The following SNTG2 variants were observed in gnomAD, a reference collection of about 807,000 sequenced individuals.
SNTG2 encodes gamma-2-syntrophin.
In SNTG2, 74 loss-of-function variants were observed where a neutral mutation model predicts 70.9. The observed-to-expected ratio is 1.04, with a 90% CI of 0.86 to 1.27. SNTG2 has a LOEUF of 1.27. SNTG2 is among the 50% of genes most tolerant of loss of function. The pLI, the probability that SNTG2 is intolerant of heterozygous loss-of-function variation, is 0.00. For synonymous variants in SNTG2, 278 were observed against 273.8 expected, an observed-to-expected ratio of 1.02 and a Z score of -0.15; for missense variants, 717 against 690.7, an observed-to-expected ratio of 1.04 and a Z score of -0.43.
chr2:1,110,450 G>T (rs78680736), intron 4 of SNTG2, among the ~76,000 whole-genome samples: 18,615 of 152,198 alleles, frequency 0.12, 1,304 homozygotes, highest in Admixed American at 0.16. Context: ...TGAATTTGCT[G>T]TGAAGCCTTT....
chr2:1,207,843 G>T (rs1350922261), intron 8 of SNTG2, among the ~76,000 whole-genome samples: 1 of 152,210 alleles, frequency 6.6e-6, no homozygotes. Context: ...CTGCAGAGGA[G>T]ACTTGGGGTG....
In SNTG2 at chr2:1,197,151, C is replaced by A. The variant is rs559020181; in HGVS notation, c.592-11952C>A. Among the ~76,000 whole-genome samples, 3 of 152,074 alleles carry A rather than the reference C, an allele frequency of 2.0e-5. No individual in the cohort carries two copies. In the East Asian group the frequency reaches 5.8e-4, roughly 29 times the overall value. On this transcript the variant is annotated intron_variant, in intron 8 of 16. Coordinates refer to ENST00000308624, the MANE Select transcript of SNTG2 (RefSeq NM_018968.4). The stretch of plus-strand genomic sequence containing the variant: ...CTTAAATGTAAATGAATTAAATTTC[C>A]CACTTAAAAGATACAGACTGGATTA...
At chr2:977,030 G>A (rs937428611) in intron 1 of SNTG2, among the ~76,000 whole-genome samples, 1 of 152,278 alleles carries the variant, frequency 6.6e-6, no homozygotes. Flanking sequence ...AGACACCATC[G>A]TATATGCCTG....
Position 1,247,392 on chromosome 2 carries a change from C to G in SNTG2, c.954C>G (p.Pro318=), listed in dbSNP as rs1425595781. Residue 318 remains proline (P), a synonymous_variant, in exon 12 of 17, where the codon CCC becomes CCG. Coordinates refer to ENST00000308624, the MANE Select transcript of SNTG2 (RefSeq NM_018968.4). ...CTGACTCCTCTCAAACCTTCAGACC[C>G]AAGTTCCTAGCACTGAAGGGCCCGT... ...QGADSSQTFR[P]KFLALKGPSF... The G allele has an allele frequency of 5.0e-6, 8 of 1,613,844 alleles. No individual in the cohort carries two copies. The highest frequency in any genetic ancestry group is 6.8e-6 in the Non-Finnish European group (8 of 1,179,870).
chr2:977,656 G>T (rs1660952055), intron 1 of SNTG2, among the ~76,000 whole-genome samples: 2 of 152,118 alleles, frequency 1.3e-5, no homozygotes, highest in African/African-American at 4.8e-5. Flanking sequence ...CCCCTTGGTG[G>T]TTTAAACTCA....
chr2:975,921 A>G lies in SNTG2; in HGVS notation c.72+24853A>G, dbSNP rs180719481. Among the ~76,000 whole-genome samples the G allele has an allele frequency of 8.5e-4, 129 of 152,350 alleles. No homozygotes were observed. In the Middle Eastern group the frequency reaches 0.01, roughly 12 times the overall value. On this transcript the variant is annotated intron_variant, in intron 1 of 16. Coordinates refer to ENST00000308624, the MANE Select transcript of SNTG2 (RefSeq NM_018968.4). Reference sequence around the variant, plus strand: ...CTTCTGATACTGGACAAATAAGCCAAAACAAGAAAAGTACAATGGCTTCTT... The same window carrying G: ...CTTCTGATACTGGACAAATAAGCCAGAACAAGAAAAGTACAATGGCTTCTT...
intron 1 of SNTG2, among the ~76,000 whole-genome samples, chr2:1,072,349 C>CT (rs201149926): frequency 0.033 from 1,996 of 61,392 alleles, 70 homozygotes; most frequent in African/African-American, 0.085. Flanking sequence ...TTTTCTTTTT[C>CT]TTTTTTTTTT....
At chr2:984,586 G>A (rs560975495) in intron 1 of SNTG2, among the ~76,000 whole-genome samples, 2 of 152,256 alleles carry the variant, frequency 1.3e-5, no homozygotes, top group Admixed American at 1.3e-4. Flanking sequence ...TCCCCACTCT[G>A]TGGCCTCACC....
chr2:1,252,431 G>A (rs756287587), intron 12 of SNTG2, among the ~76,000 whole-genome samples: 7 of 152,190 alleles, frequency 4.6e-5, no homozygotes, highest in Non-Finnish European at 8.8e-5. Flanking sequence ...GTTGTAGGGA[G>A]ATTAAGGAAG....
At chr2:1,166,285 C>G (rs917064369) in intron 7 of SNTG2, among the ~76,000 whole-genome samples, 5 of 152,166 alleles carry the variant, frequency 3.3e-5, no homozygotes, top group African/African-American at 7.2e-5. Context: ...AAGGCCCAGG[C>G]TCCCCTGAAG....
At chr2:1,209,761 G>C (rs1382285535) in intron 9 of SNTG2, among the ~76,000 whole-genome samples, 1 of 152,216 alleles carries the variant, frequency 6.6e-6, no homozygotes, top group Non-Finnish European at 1.5e-5. Flanking sequence ...AAAAATGTAT[G>C]CTTGGCTAAT....
intron 10 of SNTG2, among the ~76,000 whole-genome samples, chr2:1,238,869 C>A (rs1425822756): frequency 6.6e-6 from 1 of 152,234 alleles, no homozygotes; most frequent in Non-Finnish European, 1.5e-5. Context: ...ATGCACCCGC[C>A]CTGCCCCTGC....
At chr2:1,261,949 G>A (rs1357752479) in intron 13 of SNTG2, among the ~76,000 whole-genome samples, 1 of 152,148 alleles carries the variant, frequency 6.6e-6, no homozygotes, top group Non-Finnish European at 1.5e-5. Context: ...AGAAGCAGTG[G>A]TGTTCCGGGA....
At chr2:1,347,224 A>G (rs548923930) in intron 16 of SNTG2, among the ~76,000 whole-genome samples, 2 of 152,322 alleles carry the variant, frequency 1.3e-5, no homozygotes, top group East Asian at 1.9e-4. Context: ...AGGCATCACC[A>G]TAACAGGTAG....
intron 9 of SNTG2, among the ~76,000 whole-genome samples, chr2:1,229,948 C>A (rs368033513): frequency 6.6e-5 from 10 of 152,188 alleles, no homozygotes; most frequent in African/African-American, 2.4e-4. Context: ...AAGCGCCGCA[C>A]GCAGCCCCCG....
intron 16 of SNTG2, among the ~76,000 whole-genome samples, chr2:1,355,946 T>A (rs4558630): frequency 0.72 from 109,815 of 152,146 alleles, 39,930 homozygotes; most frequent in East Asian, 0.94. Flanking sequence ...TGCTTGGTGA[T>A]GTGAATGCCT....
At position 1,226,880 on chromosome 2, in the gene SNTG2, A is replaced by T. The variant is rs186830197; in HGVS notation, c.720-11008A>T. Reference sequence around the variant, plus strand: ...ATTTTTAACAGTAACTTCACTCATTATGTAAAGTGAACTCTTAAAATGTGT... The same window carrying T: ...ATTTTTAACAGTAACTTCACTCATTTTGTAAAGTGAACTCTTAAAATGTGT... On this transcript the variant is annotated intron_variant, in intron 9 of 16. Coordinates refer to ENST00000308624, the MANE Select transcript of SNTG2 (RefSeq NM_018968.4). Among the ~76,000 whole-genome samples the T allele has an allele frequency of 4.5e-4, 68 of 152,344 alleles. 1 individual carries two copies. The highest frequency in any genetic ancestry group is 4.1e-3 in the Admixed American group (63 of 15,298).
At chr2:1,351,740 A>G (rs1447680844) in intron 16 of SNTG2, among the ~76,000 whole-genome samples, 11 of 152,236 alleles carry the variant, frequency 7.2e-5, no homozygotes, top group African/African-American at 2.4e-4. Context: ...ACTGTTTACC[A>G]TTGAAGCCTT....
At chr2:1,006,584 A>G (rs993543678) in intron 1 of SNTG2, among the ~76,000 whole-genome samples, 2 of 152,172 alleles carry the variant, frequency 1.3e-5, no homozygotes, top group Non-Finnish European at 2.9e-5. Context: ...GGTTCAACCA[A>G]CTGTGGATGG....
Sources: allele counts gnomAD v4.1 joint callset (sites outside exome capture counted in the v4.1 genomes callset), GRCh38; gene constraint gnomAD v4.1.1; transcripts MANE v1.5; gene names NCBI Gene and HGNC (gene_info 2026-07-23, HGNC 2026-07-21).